Variants in FRRS1 observed in about 807,000 individuals in gnomAD.
FRRS1 encodes the protein ferric reductase 1.
FRRS1 carries 51 observed loss-of-function variants against 70.7 expected under a neutral mutation model. The observed-to-expected ratio is 0.72, with a 90% CI of 0.58 to 0.91. FRRS1 has a LOEUF of 0.91. Ranked by LOEUF, FRRS1 falls within the 40% of genes least tolerant of loss-of-function variation. The pLI is 0.00. For missense variants in FRRS1, 672 were observed against 726.0 expected (o/e 0.93, Z 0.86); for synonymous variants, 225 against 238.7 (o/e 0.94, Z 0.53).
intron 1 of FRRS1, among the ~76,000 whole-genome samples, chr1:99,755,340 C>G (rs1308128348): frequency 6.6e-6 from 1 of 151,426 alleles, no homozygotes; most frequent in Non-Finnish European, 1.5e-5. Context: ...GGAAGATGGG[C>G]TCCTTGAATC....
intron 9 of FRRS1, among the ~76,000 whole-genome samples, chr1:99,724,843 TAAAC>T (rs1655003952): frequency 1.3e-5 from 2 of 151,990 alleles, no homozygotes; most frequent in African/African-American, 4.8e-5. Context: ...TTTTTGTTAA[TAAAC>T]AGATTCATGT....
chr1:99,727,716 T>G (rs897063645), intron 9 of FRRS1, among the ~76,000 whole-genome samples: 1 of 152,210 alleles, frequency 6.6e-6, no homozygotes, highest in Admixed American at 6.5e-5. Context: ...TCTCAAAGTT[T>G]TGGAGCAATG....
chr1:99,711,023 T>C, intron 14 of FRRS1, 74 bp from the exon 15 acceptor site: 4 of 1,258,282 alleles, frequency 3.2e-6, no homozygotes, highest in South Asian at 1.4e-5. Context: ...TGTGTATGTG[T>C]ATTATCAAGT....
chr1:99,750,888 T>C (rs941998064), intron 1 of FRRS1, among the ~76,000 whole-genome samples: 2 of 152,204 alleles, frequency 1.3e-5, no homozygotes, highest in Admixed American at 6.5e-5. Flanking sequence ...AAAAACTACA[T>C]CTAGGTATAT....
intron 9 of FRRS1, among the ~76,000 whole-genome samples, chr1:99,721,623 G>C (rs975576845): frequency 4.5e-4 from 68 of 150,348 alleles, no homozygotes; most frequent in African/African-American, 1.5e-3. Context: ...TCTTGAGATG[G>C]AGTCTCACTC....
At chr1:99,739,085 A>G (rs1022934932) in intron 6 of FRRS1, among the ~76,000 whole-genome samples, 5 of 152,200 alleles carry the variant, frequency 3.3e-5, no homozygotes, top group African/African-American at 1.2e-4. Context: ...CCACTGGGGA[A>G]TTAAGAAACT....
intron 1 of FRRS1, among the ~76,000 whole-genome samples, chr1:99,756,247 T>C (rs1429785565): frequency 1.3e-5 from 2 of 152,154 alleles, no homozygotes; most frequent in African/African-American, 2.4e-5. Context: ...AAAGATTTAT[T>C]TTGTCCACCC....
chr1:99,749,333 G>T (rs1043682490), intron 1 of FRRS1, among the ~76,000 whole-genome samples: 9 of 152,062 alleles, frequency 5.9e-5, no homozygotes, highest in Non-Finnish European at 1.3e-4. Flanking sequence ...GCCCAATGTT[G>T]TTTAAATAAA....
chr1:99,740,958 T>C lies in FRRS1; in HGVS notation c.429-18A>G. On this transcript the variant is annotated intron_variant, in intron 5 of 16. Coordinates refer to ENST00000646001, the MANE Select transcript of FRRS1 (RefSeq NM_001361041.2). ...CTGTGACTCTGAAATGCAATACCAG[T>C]GAGATTAGAACCCTAATTGTGTCCT... 6.2e-7 allele frequency: 1 copy of C among 1,607,382 alleles called. No individual in the cohort carries two copies. Among genetic ancestry groups the C allele is most frequent in the South Asian group, 1.1e-5 (1 of 90,946 alleles).
intron 3 of FRRS1, chr1:99,747,925 G>A (rs1253911501): frequency 1.3e-5 from 2 of 152,726 alleles, no homozygotes; most frequent in Non-Finnish European, 2.9e-5. Context: ...ATTTAACACA[G>A]TGTCTGGCTC....
At chr1:99,719,430 C>A (rs879118460) in intron 10 of FRRS1, 104 bp downstream of exon 10, 5 of 543,814 alleles carry the variant, frequency 9.2e-6, no homozygotes, top group East Asian at 3.6e-5. Context: ...AAAAAAAATG[C>A]TTTATAAAAA....
At chr1:99,722,656 T>C (rs1654894867) in intron 9 of FRRS1, among the ~76,000 whole-genome samples, 1 of 152,220 alleles carries the variant, frequency 6.6e-6, no homozygotes, top group Non-Finnish European at 1.5e-5. Context: ...CACATTCATA[T>C]GAATTCTTAT....
In FRRS1 at chr1:99,742,393, T is replaced by C. The variant is rs552629220; in HGVS notation, c.334-120A>G. The C allele has an allele frequency of 2.5e-5, 16 of 636,554 alleles. No individual in the cohort carries two copies. The East Asian group carries it at 4.4e-4, about 17-fold the overall frequency. 39.4% of individuals were successfully genotyped at this position (636,554 alleles called of 1,614,324 possible). A position where few individuals can be genotyped will look rare whatever the true frequency, so the allele number is the denominator to read the frequency against. ...GACATTAGCATTCTGGTGAAGACTA[T>C]TTTATTTAGAAGAAGGACTCAGGCA... On this transcript the variant is annotated intron_variant, in intron 4 of 16. Coordinates refer to ENST00000646001, the MANE Select transcript of FRRS1 (RefSeq NM_001361041.2).
chr1:99,762,415 T>C (rs1237680574), intron 1 of FRRS1, among the ~76,000 whole-genome samples: 3 of 152,124 alleles, frequency 2.0e-5, no homozygotes, highest in Non-Finnish European at 4.4e-5. Flanking sequence ...TTTACGTCTC[T>C]TTCATGAAAA....
intron 1 of FRRS1, among the ~76,000 whole-genome samples, chr1:99,762,698 C>A (rs1657168299): frequency 6.6e-6 from 1 of 152,064 alleles, no homozygotes; most frequent in Non-Finnish European, 1.5e-5. Flanking sequence ...AGTTTTTGAA[C>A]CTCACTTTCC....
intron 7 of FRRS1, among the ~76,000 whole-genome samples, chr1:99,734,776 G>C (rs1655565659): frequency 6.6e-6 from 1 of 152,134 alleles, no homozygotes. Context: ...AAGACAAGGA[G>C]ACATCAGGGG....
chr1:99,747,595 T>C (rs6577133), intron 3 of FRRS1, 165 bp from the exon 4 acceptor site: 250,887 of 634,304 alleles, frequency 0.4, 57,576 homozygotes, highest in African/African-American at 0.85. Flanking sequence ...TTCCATAAAA[T>C]TTTTTCCAGT....
At position 99,741,079 on chromosome 1, in the gene FRRS1, A is replaced by T. The variant is rs1243773050; in HGVS notation, c.429-139T>A. 7.7e-6 allele frequency: 6 copies of T among 774,896 alleles called. No individual in the cohort carries two copies. The East Asian group carries it at 1.5e-4, about 20-fold the overall frequency. The allele number at this position is 774,896 out of a possible 1,614,324, so 48.0% of individuals were successfully genotyped here. A position where few individuals can be genotyped will look rare whatever the true frequency, so the allele number is the denominator to read the frequency against. On this transcript the variant is annotated intron_variant, in intron 5 of 16. Transcript: ENST00000646001. ...CTAACAGGACTATTAATTTTGCCTGAGGCAAATCTCTAACCACTCTCTCCC... is the reference window on the plus strand; with the variant it reads ...CTAACAGGACTATTAATTTTGCCTGTGGCAAATCTCTAACCACTCTCTCCC...
Position 99,707,593 on chromosome 1 carries a change from C to T in FRRS1, c.*1435G>A, listed in dbSNP as rs767916774. 2.6e-5 allele frequency among the ~76,000 whole-genome samples: 4 copies of T among 152,020 alleles called. No homozygotes were observed. The highest frequency in any genetic ancestry group is 4.4e-5 in the Non-Finnish European group (3 of 68,004). On this transcript the variant is annotated 3_prime_UTR_variant, in exon 17 of 17. Transcript: ENST00000646001. ...AGGTTTTAACCCTTACCCCAACCAC[C>T]CAAAAAAAGTAGCCATTTTTAAAAT...
Sources: allele counts gnomAD v4.1 joint callset (sites outside exome capture counted in the v4.1 genomes callset), GRCh38; gene constraint gnomAD v4.1.1; transcripts MANE v1.5; gene names NCBI Gene and HGNC (gene_info 2026-07-23, HGNC 2026-07-21).